CAND2: variants seen among roughly 807,000 people sequenced by gnomAD.
CAND2 encodes the protein cullin associated and neddylation dissociated 2 (putative), also known as cullin-associated NEDD8-dissociated protein 2.
Under a neutral mutation model 98.9 loss-of-function variants are expected in CAND2, and 62 were observed. The observed-to-expected ratio is 0.63, with a 90% CI of 0.51 to 0.77. The LOEUF is 0.77. Ranked by LOEUF, CAND2 falls within the 30% of genes least tolerant of loss-of-function variation. The pLI, the probability that CAND2 is intolerant of heterozygous loss-of-function variation, is 0.00. For synonymous variants in CAND2, 770 were observed against 731.9 expected, an observed-to-expected ratio of 1.05 and a Z score of -0.84; for missense variants, 1,501 against 1,655.2, an observed-to-expected ratio of 0.91 and a Z score of 1.62.
At chr3:12,825,676 G>GACCCA (rs1553639242) in intron 12 of CAND2, 37 bp downstream of exon 12, 1 of 1,563,924 alleles carries the variant, frequency 6.4e-7, no homozygotes. Flanking sequence ...GGAAGCTGGG[G>GACCCA]GTGATGCCAC....
In CAND2 at chr3:12,816,784, C is replaced by T. The variant is rs1229850055; in HGVS notation, c.1852C>T (p.Leu618=). The change falls in exon 10 of 15, where the codon CTG becomes TTG. Residue 618 remains leucine, a synonymous_variant. Coordinates refer to ENST00000456430, the MANE Select transcript of CAND2 (RefSeq NM_001162499.2). ...DDLEPTLLLL[L]DRLRNEITRL... The stretch of plus-strand genomic sequence containing the variant: ...CCTGGAGCCCACGTTACTGCTCCTC[C>T]TGGACCGCCTGCGGAATGAGATCAC... 1.2e-6 allele frequency: 2 copies of T among 1,613,614 alleles called. No homozygotes were observed. The highest frequency in any genetic ancestry group is 1.7e-6 in the Non-Finnish European group (2 of 1,180,040).
At chr3:12,801,048 T>G (rs2061762668) in intron 1 of CAND2, among the ~76,000 whole-genome samples, 1 of 147,562 alleles carries the variant, frequency 6.8e-6, no homozygotes. Flanking sequence ...TTTTTTTTTT[T>G]TTTTTTTGAG....
Position 12,817,270 on chromosome 3 carries a change from C to A in CAND2, c.2338C>A (p.Leu780Met), listed in dbSNP as rs2061915307. ...PCVDYAKLIS[L>M]LTAPVYEQAV... ...TGTGGACTATGCCAAACTCATCAGC[C>A]TGCTCACTGCGCCTGTTTATGAGCA... The change falls in exon 10 of 15, where the codon CTG becomes ATG. Residue 780 changes from leucine (L) to methionine (M), a missense_variant. Physicochemically the swap from Leu to Met is conservative, Grantham distance 15. This residue lies in a region of CAND2 where 1,427 missense variants were observed against 1,545.3 expected (regional missense o/e 0.92). Transcript: ENST00000456430. 1 of 1,613,904 alleles carries A rather than the reference C, an allele frequency of 6.2e-7. No individual in the cohort carries two copies. Among genetic ancestry groups the A allele is most frequent in the Non-Finnish European group, 8.5e-7 (1 of 1,180,054 alleles).
chr3:12,823,671 A>G (rs1007475893), intron 11 of CAND2, among the ~76,000 whole-genome samples: 11 of 152,120 alleles, frequency 7.2e-5, no homozygotes, highest in African/African-American at 2.4e-4. Context: ...CAGAGCTTGC[A>G]GTGAGCCGAG....
chr3:12,822,165 A>C (rs2061961287), intron 11 of CAND2, among the ~76,000 whole-genome samples: 2 of 152,018 alleles, frequency 1.3e-5, no homozygotes, highest in Non-Finnish European at 2.9e-5. Flanking sequence ...TTATTTATTC[A>C]TCAATTTATT....
chr3:12,803,173 T>TC (rs2061779022), intron 1 of CAND2, among the ~76,000 whole-genome samples: 1 of 152,078 alleles, frequency 6.6e-6, no homozygotes, highest in Non-Finnish European at 1.5e-5. Context: ...GTATTTTGTT[T>TC]AGTAGAGACT....
rs1462201347 is a variant in CAND2, at chr3:12,796,720, C to T, written c.-1C>T. 2 of 1,580,282 alleles carry T rather than the reference C, an allele frequency of 1.3e-6. No homozygotes were observed. Among genetic ancestry groups the T allele is most frequent in the East Asian group, 2.3e-5 (1 of 42,956 alleles). On this transcript the variant is annotated 5_prime_UTR_variant, in exon 1 of 15. Coordinates refer to ENST00000456430, the MANE Select transcript of CAND2 (RefSeq NM_001162499.2). ...GGCCGGCTCCGCGGCGCGCAGCCAC[C>T]ATGAGCACCGCCGCCTTCCACATCT...
intron 5 of CAND2, 126 bp downstream of exon 5, chr3:12,810,450 T>C: frequency 1.1e-6 from 1 of 931,950 alleles, no homozygotes; most frequent in Non-Finnish European, 1.5e-6. Context: ...GCCGTCTGCC[T>C]TGGTAGGGAG....
chr3:12,812,770 T>G (rs113978645), intron 5 of CAND2, among the ~76,000 whole-genome samples: 1 of 152,220 alleles, frequency 6.6e-6, no homozygotes. Flanking sequence ...TTGTGAAGAT[T>G]AGCTGACTAA....
intron 3 of CAND2, 49 bp from the exon 4 acceptor site, chr3:12,808,161 C>T (rs1054587983): frequency 1.3e-6 from 2 of 1,546,256 alleles, no homozygotes; most frequent in African/African-American, 2.7e-5. Context: ...TGGAGGCTGC[C>T]TTTCCCCCAG....
rs766709901 is a variant in CAND2 at position 12,831,503 on chromosome 3, GTGTCCTGCACC to G, written c.3424_3434del (p.Pro1142GlufsTer7). The G allele has an allele frequency of 1.2e-6, 2 of 1,614,092 alleles. No individual in the cohort carries two copies. The highest frequency in any genetic ancestry group is 1.7e-6 in the Non-Finnish European group (2 of 1,180,008). ...TCATGGTTGCCCGGCTGGCCACCCTGTGTCCTGCACCTGTCCTGCAGAGGGTGGACCGACTC... is the reference window on the plus strand; with the variant it reads ...TCATGGTTGCCCGGCTGGCCACCCTGTGTCCTGCAGAGGGTGGACCGACTC... On this transcript the variant is annotated frameshift_variant, in exon 14 of 15. Transcript: ENST00000456430. LOFTEE classifies it high-confidence loss of function.
At chr3:12,829,223 G>A (rs2062030390) in intron 13 of CAND2, among the ~76,000 whole-genome samples, 1 of 152,218 alleles carries the variant, frequency 6.6e-6, no homozygotes. Context: ...TTGGCTCACT[G>A]CAACCTCCGC....
chr3:12,809,819 C>A, intron 4 of CAND2: 1 of 455,928 alleles, frequency 2.2e-6, no homozygotes, highest in Non-Finnish European at 3.8e-6. Context: ...AGGTCTTTCT[C>A]CCTAGGCTGG....
rs201393756 is a variant in CAND2, at chr3:12,817,777, G to A, written c.2845G>A (p.Glu949Lys). 1 of 1,545,470 alleles carries A rather than the reference G, an allele frequency of 6.5e-7. No individual in the cohort carries two copies. The highest frequency in any genetic ancestry group is 8.7e-7 in the Non-Finnish European group (1 of 1,146,892). ...ALLFQRCEGAEEGTRGVVAEC... is the reference protein window; with the variant it reads ...ALLFQRCEGAKEGTRGVVAEC... The stretch of plus-strand genomic sequence containing the variant: ...GCTGTTCCAGCGCTGCGAGGGTGCT[G>A]AGGAGGGCACCCGGGGGGTGGTGGC... The change falls in exon 10 of 15, where the codon GAG becomes AAG. Residue 949 changes from glutamate (E) to lysine (K), a missense_variant. By Grantham distance (56) the Glu-to-Lys change is moderately conservative. Around this residue, in one of 3 missense-constraint regions of CAND2, gnomAD observed 1,427 missense variants for 1,545.3 expected, o/e 0.92. Transcript: ENST00000456430.
At chr3:12,818,657 C>T (rs549448150) in intron 10 of CAND2, among the ~76,000 whole-genome samples, 2 of 152,352 alleles carry the variant, frequency 1.3e-5, no homozygotes, top group African/African-American at 4.8e-5. Flanking sequence ...CTTACAGAAC[C>T]AGTGGATGCT....
intron 1 of CAND2, among the ~76,000 whole-genome samples, chr3:12,802,988 C>CTTTTT (rs34041335): frequency 1.6e-5 from 2 of 127,408 alleles, no homozygotes; most frequent in African/African-American, 3.0e-5. Flanking sequence ...CCATTAAAAT[C>CTTTTT]TTTTTTTTTT....
At chr3:12,813,222 AG>A (rs1230577854) in intron 6 of CAND2, 23 bp from the exon 7 acceptor site, 1 of 1,611,298 alleles carries the variant, frequency 6.2e-7, no homozygotes. Flanking sequence ...GATCCAGCAA[AG>A]CATTCCTCAT....
At chr3:12,821,078 A>G (rs1274056743) in intron 11 of CAND2, among the ~76,000 whole-genome samples, 1 of 152,142 alleles carries the variant, frequency 6.6e-6, no homozygotes. Context: ...TACTAAAAAT[A>G]CAAAAATGAG....
intron 4 of CAND2, among the ~76,000 whole-genome samples, chr3:12,808,719 G>A (rs1424238511): frequency 6.6e-6 from 1 of 152,232 alleles, no homozygotes; most frequent in African/African-American, 2.4e-5. Flanking sequence ...CCCCAGTCCA[G>A]CTGGGAGTGA....
Sources: gnomAD v4.1 joint callset for allele counts (sites outside exome capture counted in the v4.1 genomes callset) on GRCh38, gnomAD v4.1.1 for gene constraint, gnomAD v4.1.1 regional missense constraint, MANE v1.5 for transcripts, NCBI Gene and HGNC (gene_info 2026-07-23, HGNC 2026-07-21) for gene names.